Variants in BEND4 observed in about 807,000 individuals in gnomAD.
BEND4 encodes the protein BEN domain containing 4, also known as BEN domain-containing protein 4.
Under a neutral mutation model 54.7 loss-of-function variants are expected in BEND4, and 27 were observed. The ratio of observed to expected loss-of-function variants is 0.49; its 90% CI spans 0.36 to 0.68. The LOEUF (loss-of-function observed/expected upper bound fraction) is 0.68, where lower values mean the gene tolerates loss of function less well. BEND4 is among the 30% of genes least tolerant of loss of function. The probability of loss-of-function intolerance (pLI) is 0.00; values close to 1 mark genes in which losing one functional copy is unlikely to be tolerated. For missense variants in BEND4, 702 were observed against 697.2 expected, an observed-to-expected ratio of 1.01 and a Z score of -0.08; for synonymous variants, 327 against 299.5, an observed-to-expected ratio of 1.09 and a Z score of -0.95.
At chr4:42,139,743 T>C (rs1018505817) in intron 3 of BEND4, among the ~76,000 whole-genome samples, 1 of 152,132 alleles carries the variant, frequency 6.6e-6, no homozygotes, top group Non-Finnish European at 1.5e-5. Context: ...TCCTTTGTAT[T>C]CATCCATCCT....
intron 3 of BEND4, among the ~76,000 whole-genome samples, chr4:42,127,779 G>C (rs1286189124): frequency 6.6e-6 from 1 of 152,152 alleles, no homozygotes; most frequent in Non-Finnish European, 1.5e-5. Context: ...TACTACCTTG[G>C]ATTTTGCTTG....
chr4:42,131,456 G>A (rs575352035), intron 3 of BEND4, among the ~76,000 whole-genome samples: 2 of 152,224 alleles, frequency 1.3e-5, no homozygotes, highest in South Asian at 4.2e-4. Context: ...TGTTTACAGT[G>A]GGTATAATAG....
intron 2 of BEND4, among the ~76,000 whole-genome samples, chr4:42,149,950 G>A (rs1347961315): frequency 6.6e-6 from 1 of 151,926 alleles, no homozygotes; most frequent in Non-Finnish European, 1.5e-5. Context: ...GGAAGGAGAA[G>A]CAAGAGGAGA....
chr4:42,151,731 T>C lies in BEND4; in HGVS notation c.413A>G (p.Tyr138Cys). The C allele has an allele frequency of 4.0e-6, 6 of 1,503,942 alleles. No homozygotes were observed. The highest frequency in any genetic ancestry group is 4.4e-6 in the Non-Finnish European group (5 of 1,131,586). 93.2% of individuals were successfully genotyped at this position (1,503,942 alleles called of 1,614,324 possible). ...SSSSFAAVVR[Y>C]GPGAAAAAGT... Reference sequence around the variant, plus strand: ...GGCGGCCGCCGCCGCGCCTGGGCCATACCTGACGACAGCGGCGAACGAAGA... The same window carrying C: ...GGCGGCCGCCGCCGCGCCTGGGCCACACCTGACGACAGCGGCGAACGAAGA... Residue 138 changes from tyrosine (Y) to cysteine (C), a missense_variant, in exon 2 of 6, where the codon TAT (tyrosine) becomes TGT (cysteine). By Grantham distance (194) the Tyr-to-Cys change is radical. Coordinates refer to ENST00000502486, the MANE Select transcript of BEND4 (RefSeq NM_207406.4).
At position 42,117,350 on chromosome 4, in the gene BEND4, G is replaced by A; in HGVS notation, c.*168C>T. On this transcript the variant is annotated 3_prime_UTR_variant, in exon 6 of 6. Transcript: ENST00000502486. ...CCAAAAGTCTGTTGTAGGTGCCACA[G>A]ACTTCCCAAACAACCCTAAAATGGA... 1 of 577,800 alleles carries A rather than the reference G, an allele frequency of 1.7e-6. No homozygotes were observed. Among genetic ancestry groups the A allele is most frequent in the Non-Finnish European group, 3.0e-6 (1 of 327,964 alleles). 35.8% of individuals were successfully genotyped at this position (577,800 alleles called of 1,614,324 possible).
intron 3 of BEND4, 89 bp downstream of exon 3, chr4:42,143,339 A>G: frequency 8.5e-7 from 1 of 1,173,158 alleles, no homozygotes; most frequent in Non-Finnish European, 1.2e-6. Flanking sequence ...ATACACATAC[A>G]CATACATGAG....
chr4:42,119,928 A>C (rs1432640025), intron 5 of BEND4, 126 bp downstream of exon 5: 1 of 1,211,624 alleles, frequency 8.3e-7, no homozygotes. Context: ...GGGCCACATG[A>C]AGCCTAGACG....
chr4:42,137,104 T>A (rs1720722824), intron 3 of BEND4, among the ~76,000 whole-genome samples: 1 of 152,198 alleles, frequency 6.6e-6, no homozygotes, highest in Non-Finnish European at 1.5e-5. Flanking sequence ...AGGCTTGGAT[T>A]ATAATCCTAA....
chr4:42,142,916 G>A (rs1203038006), intron 3 of BEND4, among the ~76,000 whole-genome samples: 5 of 152,154 alleles, frequency 3.3e-5, no homozygotes, highest in Non-Finnish European at 7.3e-5. Context: ...TAATGAAATA[G>A]AAGAGACCAT....
chr4:42,143,732 A>T lies in BEND4; in HGVS notation c.750T>A (p.Thr250=). The T allele has an allele frequency of 6.2e-7, 1 of 1,614,060 alleles. No homozygotes were observed. The highest frequency in any genetic ancestry group is 8.5e-7 in the Non-Finnish European group (1 of 1,179,904). Reference sequence around the variant, plus strand: ...AGAGCAGGTAATTTTGTAGAGAGTCAGTGAAAACCCTCAAAAAGGCAGAAG... The same window carrying T: ...AGAGCAGGTAATTTTGTAGAGAGTCTGTGAAAACCCTCAAAAAGGCAGAAG... ...QQTSAFLRVF[T]DSLQNYLLSG... is the part of the protein sequence containing the mutation. The change falls in exon 3 of 6, where the codon ACT becomes ACA. Residue 250 remains threonine (T), a synonymous_variant. Coordinates refer to ENST00000502486, the MANE Select transcript of BEND4 (RefSeq NM_207406.4).
At position 42,152,279 on chromosome 4, in the gene BEND4, C is replaced by T. The variant is rs1011903574; in HGVS notation, c.-136G>A. On this transcript the variant is annotated 5_prime_UTR_variant, in exon 2 of 6. Transcript: ENST00000502486. The stretch of plus-strand genomic sequence containing the variant: ...GGAGGGTGTGTGTCTGTGCCGTGGC[C>T]GCCGCCGCCGCCGCCTGTCGCTGAG... 2.7e-5 allele frequency: 19 copies of T among 712,928 alleles called. No individual in the cohort carries two copies. In the African/African-American group the frequency reaches 3.2e-4, roughly 12 times the overall value. 44.2% of individuals were successfully genotyped at this position (712,928 alleles called of 1,614,324 possible). A position where few individuals can be genotyped will look rare whatever the true frequency, so the allele number is the denominator to read the frequency against.
rs1242173194 is a variant in BEND4 at position 42,114,652 on chromosome 4, C to T, written c.*2866G>A. On this transcript the variant is annotated 3_prime_UTR_variant, in exon 6 of 6. Transcript: ENST00000502486. ...ACCTTCAAGTCTCCAAGGATTTCAA[C>T]TGAAAGGCTCACAGAGCAATGACAG... 1 of 152,216 alleles carries T rather than the reference C, an allele frequency of 6.6e-6. No homozygotes were observed. The highest frequency in any genetic ancestry group is 1.5e-5 in the Non-Finnish European group (1 of 68,050). 9.4% of individuals were successfully genotyped at this position (152,216 alleles called of 1,614,324 possible). A position where few individuals can be genotyped will look rare whatever the true frequency, so the allele number is the denominator to read the frequency against.
chr4:42,113,357 T>G lies in BEND4; in HGVS notation c.*4161A>C, dbSNP rs1374980832. On this transcript the variant is annotated 3_prime_UTR_variant, in exon 6 of 6. Transcript: ENST00000502486. ...CCTAAGAAACTCAGGAGGTAGTCAA[T>G]GGGTATTAGGTTTAGGTTCTAGAGC... 2 of 152,148 alleles carry G rather than the reference T, an allele frequency of 1.3e-5. No homozygotes were observed. The highest frequency in any genetic ancestry group is 4.8e-5 in the African/African-American group (2 of 41,430). The allele number at this position is 152,148 out of a possible 1,614,324, so 9.4% of individuals were successfully genotyped here.
chr4:42,148,652 T>C (rs1369862710), intron 2 of BEND4, among the ~76,000 whole-genome samples: 1 of 152,258 alleles, frequency 6.6e-6, no homozygotes, highest in African/African-American at 2.4e-5. Flanking sequence ...CTGACACTTT[T>C]ATCAGTTGAA....
Position 42,151,937 on chromosome 4 carries a change from G to A in BEND4, c.207C>T (p.Ser69=). The part of the protein sequence containing the change: ...PPPFAPHAAV[S]ISSSEPPPQQ... ...GCGGCGGCGGCTCGCTGCTGCTGAT[G>A]GAGACGGCGGCGTGCGGCGCGAAGG... Residue 69 remains serine, a synonymous_variant, in exon 2 of 6, where the codon TCC becomes TCT. Coordinates refer to ENST00000502486, the MANE Select transcript of BEND4 (RefSeq NM_207406.4). The A allele has an allele frequency of 2.4e-6, 3 of 1,249,168 alleles. No homozygotes were observed. Among genetic ancestry groups the A allele is most frequent in the Non-Finnish European group, 3.0e-6 (3 of 995,348 alleles). 77.4% of individuals were successfully genotyped at this position (1,249,168 alleles called of 1,614,324 possible). A position where few individuals can be genotyped will look rare whatever the true frequency, so the allele number is the denominator to read the frequency against.
chr4:42,145,392 A>G (rs780910630), intron 2 of BEND4, among the ~76,000 whole-genome samples: 1 of 152,088 alleles, frequency 6.6e-6, no homozygotes, highest in African/African-American at 2.4e-5. Context: ...CAACTTTTTA[A>G]TAAGAATATA....
chr4:42,143,909 G>T lies in BEND4; in HGVS notation c.573C>A (p.Ser191=). The change falls in exon 3 of 6, where the codon TCC becomes TCA. Residue 191 remains serine (S), a synonymous_variant. Transcript: ENST00000502486. ...AAGAAATCATGGACTGAGAATGGTT[G>T]GAGTCCAGGAGTTTTCCTCCACAAT... ...LLNCGGKLLD[S]NHSQSMISCV... is the part of the protein sequence containing the mutation. 6.5e-7 allele frequency: 1 copy of T among 1,536,724 alleles called. No individual in the cohort carries two copies. Among genetic ancestry groups the T allele is most frequent in the East Asian group, 2.3e-5 (1 of 44,412 alleles).
At chr4:42,121,624 G>C (rs1720062900) in intron 4 of BEND4, among the ~76,000 whole-genome samples, 1 of 152,180 alleles carries the variant, frequency 6.6e-6, no homozygotes, top group African/African-American at 2.4e-5. Context: ...GCCTTGGCTG[G>C]GTACAGTGGT....
chr4:42,147,661 T>G (rs1250688463), intron 2 of BEND4, among the ~76,000 whole-genome samples: 4 of 152,060 alleles, frequency 2.6e-5, no homozygotes. Context: ...TCTCTCTAAT[T>G]TATTTTGCTT....
Sources: gnomAD v4.1 joint callset for allele counts (sites outside exome capture counted in the v4.1 genomes callset) on GRCh38, gnomAD v4.1.1 for gene constraint, MANE v1.5 for transcripts, NCBI Gene and HGNC (gene_info 2026-07-23, HGNC 2026-07-21) for gene names.